The following SYCE1L variants were observed in gnomAD, a reference collection of about 807,000 sequenced individuals.
SYCE1L encodes synaptonemal complex central element protein 1 like.
Under a neutral mutation model 39.6 loss-of-function variants are expected in SYCE1L, and 51 were observed. The ratio of observed to expected loss-of-function variants is 1.29; its 90% CI spans 1.03 to 1.63. SYCE1L has a LOEUF of 1.63. Ranked by LOEUF, SYCE1L falls within the 40% of genes most tolerant of loss-of-function variation. The probability of loss-of-function intolerance (pLI) is 0.00; values close to 1 mark genes in which losing one functional copy is unlikely to be tolerated. For missense variants in SYCE1L, 426 were observed against 304.9 expected, an observed-to-expected ratio of 1.40 and a Z score of -2.96; for synonymous variants, 147 against 122.4, an observed-to-expected ratio of 1.20 and a Z score of -1.33.
At position 77,208,266 on chromosome 16, in the gene SYCE1L, C is replaced by T; in HGVS notation, c.178C>T (p.Gln60Ter). The change falls in exon 3 of 11, where the codon CAA (glutamine) becomes TAA (stop). Residue 60 changes from glutamine (Q) to a stop codon, truncating the protein, a stop_gained. Coordinates refer to ENST00000378644, the MANE Select transcript of SYCE1L (RefSeq NM_001129979.3). LOFTEE classifies it high-confidence loss of function. ...GATTAGCCGGATTAATGATCTTCAG[C>T]AAGGTAAACTTGGGGACTTAGACTG... is the stretch of plus-strand genomic sequence containing the variant. Reference protein sequence around the residue: ...DLISRINDLQQAKKKSSEELR... With the variant: ...DLISRINDLQ 1 of 1,551,640 alleles carries T rather than the reference C, an allele frequency of 6.4e-7. No homozygotes were observed. The highest frequency in any genetic ancestry group is 1.2e-5 in the South Asian group (1 of 84,054).
intron 1 of SYCE1L, among the ~76,000 whole-genome samples, chr16:77,203,847 G>A (rs992503738): frequency 5.3e-5 from 8 of 151,772 alleles, no homozygotes; most frequent in South Asian, 2.1e-4. Flanking sequence ...CACCCTCGTC[G>A]GCCTCCCAAA....
At chr16:77,212,789 T>C in intron 10 of SYCE1L, 68 bp from the exon 11 acceptor site, 1 of 1,430,494 alleles carries the variant, frequency 7.0e-7, no homozygotes, top group Admixed American at 2.7e-5. Flanking sequence ...GGTGGAGGCC[T>C]AGGGCAGACG....
chr16:77,210,940 T>C (rs4887896), intron 6 of SYCE1L, among the ~76,000 whole-genome samples: 92,973 of 152,096 alleles, frequency 0.61, 28,960 homozygotes, highest in Non-Finnish European at 0.67. Context: ...TTGCCCATAA[T>C]TCTCAGGTTT....
chr16:77,201,504 C>T (rs1473978380), intron 1 of SYCE1L: 2 of 152,150 alleles, frequency 1.3e-5, no homozygotes, highest in Admixed American at 1.3e-4. Flanking sequence ...TTTCCTGCCT[C>T]AGGGAAGAGA....
intron 6 of SYCE1L, among the ~76,000 whole-genome samples, chr16:77,210,146 T>C (rs950441936): frequency 1.3e-5 from 2 of 152,170 alleles, no homozygotes; most frequent in African/African-American, 2.4e-5. Flanking sequence ...CCTGTATCCA[T>C]CCATCTCTTC....
At position 77,212,194 on chromosome 16, in the gene SYCE1L, C is replaced by T. The variant is rs1189818178; in HGVS notation, c.488C>T (p.Ser163Leu). 5.8e-6 allele frequency: 9 copies of T among 1,547,600 alleles called. No individual in the cohort carries two copies. Among genetic ancestry groups the T allele is most frequent in the East Asian group, 2.5e-5 (1 of 40,708 alleles). The change falls in exon 8 of 11, where the codon TCG (serine) becomes TTG (leucine). Residue 163 changes from serine to leucine, a missense_variant. Transcript: ENST00000378644. The stretch of plus-strand genomic sequence containing the variant: ...GAGAGAAGCAAGGAGCAGCTGCTCT[C>T]GGAGAGTGAGCCTCCCGCGCCAGGT... Reference protein sequence around the residue: ...ALERSKEQLLSERRLVRAKLR... With the variant: ...ALERSKEQLLLERRLVRAKLR...
intron 1 of SYCE1L, chr16:77,202,554 C>T (rs1203810281): frequency 1.3e-5 from 2 of 152,146 alleles, no homozygotes; most frequent in African/African-American, 4.8e-5. Context: ...ACAGATGGAG[C>T]TTCTGCAGAA....
At chr16:77,204,306 A>C (rs2142513559) in intron 1 of SYCE1L, among the ~76,000 whole-genome samples, 1 of 152,354 alleles carries the variant, frequency 6.6e-6, no homozygotes, top group East Asian at 1.9e-4. Context: ...TCCCTCCAAA[A>C]TTCATGTCCA....
chr16:77,209,588 A>T lies in SYCE1L; in HGVS notation c.359+117A>T, dbSNP rs543903152. On this transcript the variant is annotated intron_variant, in intron 6 of 10. Transcript: ENST00000378644. ...GCCTCATTTTACCTTTCTATAAAAT[A>T]GAGCAGCCTGACAAAAGATTTCCTT... 81 of 1,093,854 alleles carry T rather than the reference A, an allele frequency of 7.4e-5. 1 individual carries two copies. In the South Asian group the frequency reaches 1.1e-3, roughly 15 times the overall value. The allele number at this position is 1,093,854 out of a possible 1,614,324, so 67.8% of individuals were successfully genotyped here. A position where few individuals can be genotyped will look rare whatever the true frequency, so the allele number is the denominator to read the frequency against.
intron 9 of SYCE1L, 100 bp downstream of exon 9, chr16:77,212,469 C>T: frequency 4.5e-6 from 7 of 1,539,724 alleles, no homozygotes; most frequent in Non-Finnish European, 6.1e-6. Context: ...CTTCCCCGGC[C>T]TGTGCCTCCC....
intron 2 of SYCE1L, among the ~76,000 whole-genome samples, chr16:77,207,995 C>A (rs1236801217): frequency 1.3e-5 from 2 of 152,222 alleles, no homozygotes; most frequent in African/African-American, 4.8e-5. Context: ...ACAGCAGTTA[C>A]TGCCACCTGA....
chr16:77,212,261 C>T (rs1211189747), intron 8 of SYCE1L, 21 bp from the exon 9 acceptor site: 1 of 1,520,784 alleles, frequency 6.6e-7, no homozygotes, highest in African/African-American at 1.4e-5. Flanking sequence ...GGCCCTGCCC[C>T]TGACGCCCGC....
intron 3 of SYCE1L, 96 bp downstream of exon 3, chr16:77,208,365 C>T: frequency 1.9e-6 from 3 of 1,542,248 alleles, no homozygotes; most frequent in Non-Finnish European, 1.8e-6. Flanking sequence ...CTAGGCCCCT[C>T]TAGGGTTGTT....
intron 1 of SYCE1L, among the ~76,000 whole-genome samples, chr16:77,204,980 G>C (rs901542433): frequency 6.7e-6 from 1 of 149,490 alleles, no homozygotes; most frequent in African/African-American, 2.4e-5. Flanking sequence ...GGGAGGCAGA[G>C]GTTGCAGTGA....
intron 1 of SYCE1L, among the ~76,000 whole-genome samples, chr16:77,206,207 G>GT (rs1048237765): frequency 1.3e-5 from 2 of 152,126 alleles, no homozygotes; most frequent in African/African-American, 4.8e-5. Flanking sequence ...TTGTGGTGGT[G>GT]TTTTTTAACC....
intron 1 of SYCE1L, chr16:77,200,291 T>TATACATATATATATATATAC: frequency 1.5e-4 from 17 of 111,438 alleles, no homozygotes; most frequent in East Asian, 1.3e-3. Flanking sequence ...TATATATATA[T>TATACATATATATATATATAC]ACACACACTA....
In SYCE1L at chr16:77,213,003, A is replaced by G. The variant is rs1173863900; in HGVS notation, c.*72A>G. 2.5e-5 allele frequency: 35 copies of G among 1,383,538 alleles called. No homozygotes were observed. Among genetic ancestry groups the G allele is most frequent in the Non-Finnish European group, 3.2e-5 (34 of 1,048,020 alleles). The allele number at this position is 1,383,538 out of a possible 1,614,324, so 85.7% of individuals were successfully genotyped here. The stretch of plus-strand genomic sequence containing the variant: ...GAAATAAAGGCGATGATTTCCGACC[A>G]TGCTCGCGTTCTCCGCGGAGTCTGT... On this transcript the variant is annotated 3_prime_UTR_variant, in exon 11 of 11. Coordinates refer to ENST00000378644, the MANE Select transcript of SYCE1L (RefSeq NM_001129979.3).
At chr16:77,210,228 G>A (rs2054813266) in intron 6 of SYCE1L, among the ~76,000 whole-genome samples, 1 of 152,130 alleles carries the variant, frequency 6.6e-6, no homozygotes, top group Non-Finnish European at 1.5e-5. Flanking sequence ...TAGTAGAGAT[G>A]GGGTTTCTCC....
intron 1 of SYCE1L, chr16:77,201,267 A>G (rs546571690): frequency 1.6e-4 from 24 of 152,346 alleles, no homozygotes; most frequent in African/African-American, 5.1e-4. Flanking sequence ...AATAAGACAG[A>G]TGCAAATAGA....
Sources: allele counts gnomAD v4.1 joint callset (sites outside exome capture counted in the v4.1 genomes callset), GRCh38; gene constraint gnomAD v4.1.1; transcripts MANE v1.5; gene names NCBI Gene and HGNC (gene_info 2026-07-23, HGNC 2026-07-21).